The following SYNPR variants were observed in gnomAD, a reference collection of about 807,000 sequenced individuals.
SYNPR encodes synaptoporin.
SYNPR carries 23 observed loss-of-function variants against 32.9 expected under a neutral mutation model. The ratio of observed to expected loss-of-function variants is 0.70; its 90% CI spans 0.50 to 0.99. SYNPR has a LOEUF of 0.99. Ranked by LOEUF, SYNPR falls within the 50% of genes least tolerant of loss-of-function variation. The pLI, the probability that SYNPR is intolerant of heterozygous loss-of-function variation, is 0.00. For missense variants in SYNPR, 318 were observed against 349.3 expected (o/e 0.91, Z 0.71); for synonymous variants, 146 against 135.9 (o/e 1.07, Z -0.52).
At chr3:63,205,909 C>T in the SYNPR span, among the ~76,000 whole-genome samples, 37 of 152,272 alleles carry the variant, frequency 2.4e-4, no homozygotes, top group Admixed American at 2.6e-4. Flanking sequence ...TTAAATACAG[C>T]GGTGAAAATC....
At chr3:63,350,453 T>C (rs757610379) in intron 2 of SYNPR, among the ~76,000 whole-genome samples, 8 of 152,198 alleles carry the variant, frequency 5.3e-5, no homozygotes, top group Non-Finnish European at 1.2e-4. Flanking sequence ...CTTCAGACTA[T>C]ATCGTGATAG....
intron 3 of SYNPR, among the ~76,000 whole-genome samples, chr3:63,541,150 G>T (rs1029540759): frequency 1.3e-5 from 2 of 151,214 alleles, no homozygotes; most frequent in Admixed American, 1.3e-4. Context: ...TTTGCCCACC[G>T]CAGAGAGAAA....
chr3:63,615,655 G>A lies in SYNPR; in HGVS notation c.*174G>A. The A allele has an allele frequency of 1.2e-6, 1 of 809,500 alleles. No homozygotes were observed. The highest frequency in any genetic ancestry group is 1.9e-6 in the Non-Finnish European group (1 of 533,498). 50.1% of individuals were successfully genotyped at this position (809,500 alleles called of 1,614,324 possible). On this transcript the variant is annotated 3_prime_UTR_variant, in exon 6 of 6. Coordinates refer to ENST00000478300, the MANE Select transcript of SYNPR (RefSeq NM_001130003.2). ...TGGGTTGTGAAAAATGATACTTAGAGATGAGGCGACATGAGGAGATATATT... is the reference window on the plus strand; with the variant it reads ...TGGGTTGTGAAAAATGATACTTAGAAATGAGGCGACATGAGGAGATATATT...
At chr3:63,550,280 T>G (rs896656453) in intron 3 of SYNPR, among the ~76,000 whole-genome samples, 4 of 151,250 alleles carry the variant, frequency 2.6e-5, no homozygotes, top group African/African-American at 9.7e-5. Flanking sequence ...CTTTTGCTTA[T>G]AAGAACTTAT....
intron 2 of SYNPR, among the ~76,000 whole-genome samples, chr3:63,383,571 G>T (rs868194779): frequency 5.3e-5 from 8 of 152,042 alleles, no homozygotes; most frequent in African/African-American, 1.7e-4. Context: ...CAAAAAATTA[G>T]CCAGGCATGA....
intron 2 of SYNPR, among the ~76,000 whole-genome samples, chr3:63,361,847 T>C (rs1348823586): frequency 1.3e-5 from 2 of 152,100 alleles, no homozygotes; most frequent in East Asian, 1.9e-4. Context: ...TACACAAACA[T>C]TGTATTGTCC....
chr3:63,273,483 G>T (rs916089719), upstream of SYNPR, among the ~76,000 whole-genome samples: 1 of 152,072 alleles, frequency 6.6e-6, no homozygotes, highest in African/African-American at 2.4e-5. Context: ...TGTATTATTA[G>T]AGCCCTTATT....
chr3:63,431,703 C>A (rs1004509850), intron 2 of SYNPR, among the ~76,000 whole-genome samples: 1 of 151,090 alleles, frequency 6.6e-6, no homozygotes, highest in Non-Finnish European at 1.5e-5. Context: ...TGAACTGTTA[C>A]ACGAATCATC....
chr3:63,310,310 T>C (rs2086951222), intron 2 of SYNPR, among the ~76,000 whole-genome samples: 1 of 152,038 alleles, frequency 6.6e-6, no homozygotes, highest in Admixed American at 6.6e-5. Flanking sequence ...CAAACCTCCC[T>C]ACATATGAGG....
At chr3:63,360,815 T>C (rs1040889403) in intron 2 of SYNPR, among the ~76,000 whole-genome samples, 1 of 152,188 alleles carries the variant, frequency 6.6e-6, no homozygotes, top group Non-Finnish European at 1.5e-5. Flanking sequence ...ATTCCCCCTA[T>C]ATATCTTTTC....
intron 2 of SYNPR, among the ~76,000 whole-genome samples, chr3:63,424,732 A>G (rs1256643995): frequency 6.6e-6 from 1 of 152,182 alleles, no homozygotes; most frequent in Non-Finnish European, 1.5e-5. Context: ...AATATGGGGC[A>G]CTTTGGAGGG....
chr3:63,352,065 G>T (rs569780273), intron 2 of SYNPR, among the ~76,000 whole-genome samples: 4 of 152,136 alleles, frequency 2.6e-5, no homozygotes, highest in African/African-American at 9.7e-5. Context: ...ACCTTGGAGG[G>T]AGTGCCAGGC....
At chr3:63,508,506 C>A (rs989386193) in intron 3 of SYNPR, among the ~76,000 whole-genome samples, 11 of 152,100 alleles carry the variant, frequency 7.2e-5, no homozygotes, top group Non-Finnish European at 1.6e-4. Flanking sequence ...GGTGGAATTG[C>A]AACCTCAAAT....
chr3:63,526,174 T>A (rs1702008743), intron 3 of SYNPR, among the ~76,000 whole-genome samples: 1 of 152,176 alleles, frequency 6.6e-6, no homozygotes, highest in South Asian at 2.1e-4. Flanking sequence ...GGGATCAAAT[T>A]TCCACATGAG....
intron 3 of SYNPR, among the ~76,000 whole-genome samples, chr3:63,541,029 T>A (rs1702293022): frequency 6.6e-6 from 1 of 151,558 alleles, no homozygotes; most frequent in African/African-American, 2.4e-5. Flanking sequence ...GTGATTGTTT[T>A]TGAGATGAAC....
chr3:63,363,938 G>GT (rs1160290648), intron 2 of SYNPR, among the ~76,000 whole-genome samples: 1 of 152,114 alleles, frequency 6.6e-6, no homozygotes, highest in African/African-American at 2.4e-5. Context: ...AGAATATTAA[G>GT]TATGAAAAGG....
intron 1 of SYNPR, among the ~76,000 whole-genome samples, chr3:63,246,364 A>G (rs1175456940): frequency 6.6e-6 from 1 of 152,072 alleles, no homozygotes; most frequent in Non-Finnish European, 1.5e-5. Flanking sequence ...TTATTTACTC[A>G]TTCATCCCTA....
chr3:63,420,835 A>G lies in SYNPR; in HGVS notation c.85-59997A>G, dbSNP rs113747362. 7.5e-3 allele frequency among the ~76,000 whole-genome samples: 1,141 copies of G among 152,320 alleles called. 15 individuals carry two copies. Among genetic ancestry groups the G allele is most frequent in the African/African-American group, 0.026 (1,063 of 41,572 alleles). ...AGAACTTATAAATCAGTGAGAAAAA[A>G]TACAAATAGAAAAATGGGCAGAAGA... On this transcript the variant is annotated intron_variant, in intron 2 of 5. Transcript: ENST00000478300.
At chr3:63,412,227 T>G (rs774078142) in intron 2 of SYNPR, among the ~76,000 whole-genome samples, 12 of 152,288 alleles carry the variant, frequency 7.9e-5, no homozygotes, top group East Asian at 1.9e-4. Context: ...GTCTGGCACA[T>G]GCTGAGACTG....
Sources: gnomAD v4.1 joint callset for allele counts (sites outside exome capture counted in the v4.1 genomes callset) on GRCh38, gnomAD v4.1.1 for gene constraint, MANE v1.5 for transcripts, NCBI Gene and HGNC (gene_info 2026-07-23, HGNC 2026-07-21) for gene names.